The following NRXN3 variants were observed in gnomAD, a reference collection of about 807,000 sequenced individuals.
NRXN3 encodes neurexin III.
Under a neutral mutation model 137.6 loss-of-function variants are expected in NRXN3, and 32 were observed. The observed-to-expected ratio is 0.23, with a 90% confidence interval of 0.18 to 0.31. NRXN3 has a LOEUF of 0.31. NRXN3 is among the 10% of genes least tolerant of loss of function. NRXN3 has a pLI of 1.00. For synonymous variants in NRXN3, 798 were observed against 784.5 expected, an observed-to-expected ratio of 1.02 and a Z score of -0.29; for missense variants, 1,574 against 2,062.5, an observed-to-expected ratio of 0.76 and a Z score of 4.59.
chr14:79,776,024 TGAGTGTGAGTGGA>T (rs2099096001), intron 19 of NRXN3, among the ~76,000 whole-genome samples: 1 of 152,154 alleles, frequency 6.6e-6, no homozygotes. Context: ...AGTGATGGGA[TGAGTGTGAGTGGA>T]GAAATAAGCA....
At chr14:78,537,017 T>A (rs551468401) in intron 4 of NRXN3, among the ~76,000 whole-genome samples, 1 of 152,346 alleles carries the variant, frequency 6.6e-6, no homozygotes, top group East Asian at 1.9e-4. Flanking sequence ...TGATGGACAT[T>A]TGGGTTGGTT....
intron 4 of NRXN3, among the ~76,000 whole-genome samples, chr14:78,341,764 G>T (rs1253717851): frequency 1.3e-5 from 2 of 152,182 alleles, no homozygotes; most frequent in African/African-American, 4.8e-5. Context: ...TAATTATTCA[G>T]ATCTTCAACT....
At chr14:78,699,920 C>T (rs964298432) in intron 6 of NRXN3, among the ~76,000 whole-genome samples, 1 of 152,084 alleles carries the variant, frequency 6.6e-6, no homozygotes, top group Non-Finnish European at 1.5e-5. Flanking sequence ...GTTATCACAT[C>T]AGAAACACAC....
At position 79,861,390 on chromosome 14, in the gene NRXN3, C is replaced by T; in HGVS notation, c.4142C>T (p.Ala1381Val). 1 of 1,536,208 alleles carries T rather than the reference C, an allele frequency of 6.5e-7. No individual in the cohort carries two copies. The highest frequency in any genetic ancestry group is 8.7e-7 in the Non-Finnish European group (1 of 1,146,946). ...TTCGAAGGTGGCTACAAAGCACATG[C>T]GCCCAAGTGGGAATCCAAGGACTTT... ...SIFEGGYKAH[A>V]PKWESKDFRP... The change falls in exon 21 of 21, where the codon GCG (alanine) becomes GTG (valine). Residue 1381 changes from alanine (A) to valine (V), a missense_variant. Ala to Val is a moderately conservative substitution (Grantham distance 64). Around this residue, in one of 5 missense-constraint regions of NRXN3, gnomAD observed 320 missense variants for 387.1 expected, o/e 0.83. Coordinates refer to ENST00000335750, the MANE Select transcript of NRXN3 (RefSeq NM_001330195.2). This position sits in a 1 kb window ranked among gnomAD's most constrained non-coding sequence, Gnocchi z 5.4.
intron 10 of NRXN3, among the ~76,000 whole-genome samples, chr14:78,926,783 A>AAT (rs1567722600): frequency 1.9e-4 from 6 of 32,252 alleles, no homozygotes; most frequent in African/African-American, 1.2e-3. Flanking sequence ...ATATATATAA[A>AAT]ATATATTATA....
chr14:79,690,457 A>G (rs533743522), intron 17 of NRXN3, among the ~76,000 whole-genome samples: 21 of 152,174 alleles, frequency 1.4e-4, no homozygotes, highest in African/African-American at 5.1e-4. Flanking sequence ...AAAATTTTAA[A>G]TTATCCACTG....
At chr14:78,847,768 A>C (rs2099031500) in intron 10 of NRXN3, among the ~76,000 whole-genome samples, 2 of 152,068 alleles carry the variant, frequency 1.3e-5, no homozygotes, top group Admixed American at 1.3e-4. Flanking sequence ...TATAAACGTC[A>C]GTGGAAAGTG....
At chr14:79,382,393 T>C (rs934973362) in intron 15 of NRXN3, among the ~76,000 whole-genome samples, 3 of 152,174 alleles carry the variant, frequency 2.0e-5, no homozygotes, top group African/African-American at 4.8e-5. Flanking sequence ...AGGGTCATAC[T>C]GGAGGGGCTA....
chr14:79,586,801 T>TTTCA (rs1339667164), intron 16 of NRXN3, among the ~76,000 whole-genome samples: 1 of 152,226 alleles, frequency 6.6e-6, no homozygotes, highest in African/African-American at 2.4e-5. Context: ...TTTGTGACAA[T>TTTCA]TTCATTCATT....
At position 79,643,319 on chromosome 14, in the gene NRXN3, T is replaced by A. The variant is rs935686093; in HGVS notation, c.3445-20459T>A. 1.5e-5 allele frequency among the ~76,000 whole-genome samples: 2 copies of A among 135,924 alleles called. 1 individual carries two copies. The highest frequency in any genetic ancestry group is 1.5e-4 in the Admixed American group (2 of 12,912). 89.2% of individuals were successfully genotyped at this position (135,924 alleles called of 152,430 possible). ...TTCCTGTCTCAGAGGAAAAATTTGC[T>A]TATCACCTTCCACAGTTGAGTCTAC... On this transcript the variant is annotated intron_variant, in intron 16 of 20. Transcript: ENST00000335750.
At chr14:79,388,962 A>G (rs1028329645) in intron 15 of NRXN3, among the ~76,000 whole-genome samples, 1 of 152,168 alleles carries the variant, frequency 6.6e-6, no homozygotes, top group Non-Finnish European at 1.5e-5. Flanking sequence ...CACGTAGGTT[A>G]TGCCTTTCTT....
At chr14:79,317,583 A>G (rs924870803) in intron 15 of NRXN3, among the ~76,000 whole-genome samples, 7 of 152,136 alleles carry the variant, frequency 4.6e-5, no homozygotes, top group African/African-American at 1.2e-4. Context: ...TTAGGATTTC[A>G]TCATATCTTT....
intron 17 of NRXN3, among the ~76,000 whole-genome samples, chr14:79,677,900 A>G (rs2098649177): frequency 6.6e-6 from 1 of 152,152 alleles, no homozygotes; most frequent in Non-Finnish European, 1.5e-5. Flanking sequence ...GTCTTGTTGA[A>G]ATGAGATAGT....
chr14:79,159,587 C>T (rs1319346039), intron 15 of NRXN3, among the ~76,000 whole-genome samples: 2 of 151,726 alleles, frequency 1.3e-5, no homozygotes, highest in Admixed American at 1.3e-4. Context: ...TCATTCTCAA[C>T]ATCATTTTAT....
At chr14:79,852,230 T>TC (rs1429348920) in intron 20 of NRXN3, among the ~76,000 whole-genome samples, 216 of 73,252 alleles carry the variant, frequency 2.9e-3, no homozygotes, top group African/African-American at 8.4e-3. Flanking sequence ...CTAGTTCAAC[T>TC]CCCAACACAC....
intron 15 of NRXN3, among the ~76,000 whole-genome samples, chr14:79,358,621 GAA>G (rs1339939382): frequency 1.4e-4 from 20 of 138,638 alleles, no homozygotes; most frequent in Non-Finnish European, 2.7e-4. Flanking sequence ...AAGAAAGAAA[GAA>G]AGAAAGAAAG....
chr14:79,561,990 A>G (rs1311275518), intron 16 of NRXN3, among the ~76,000 whole-genome samples: 1 of 152,186 alleles, frequency 6.6e-6, no homozygotes, highest in African/African-American at 2.4e-5. Flanking sequence ...GGGTTTAATG[A>G]CAGTTCATGG....
intron 8 of NRXN3, among the ~76,000 whole-genome samples, chr14:78,715,347 A>G (rs34466220): frequency 0.064 from 9,699 of 152,284 alleles, 488 homozygotes; most frequent in African/African-American, 0.14. Flanking sequence ...GGGAAGCTTT[A>G]TAATAAATAT....
intron 6 of NRXN3, among the ~76,000 whole-genome samples, chr14:78,681,236 G>A (rs1381771237): frequency 6.6e-6 from 1 of 152,190 alleles, no homozygotes; most frequent in East Asian, 1.9e-4. Flanking sequence ...ACTGGAATCT[G>A]TCAGTTCTTA....
Sources: allele counts gnomAD v4.1 joint callset (sites outside exome capture counted in the v4.1 genomes callset), GRCh38; gene constraint gnomAD v4.1.1; regional missense constraint gnomAD v4.1.1; non-coding constraint Gnocchi (gnomAD v3.1); transcripts MANE v1.5; gene names NCBI Gene and HGNC (gene_info 2026-07-23, HGNC 2026-07-21).